CREBBP: variants seen among roughly 807,000 people sequenced by gnomAD.
CREBBP encodes CREB-binding protein.
CREBBP carries 19 observed loss-of-function variants against 265.0 expected under a neutral mutation model. The ratio of observed to expected loss-of-function variants is 0.07; its 90% CI spans 0.05 to 0.11. The LOEUF is 0.11. Among genes scored for constraint, CREBBP ranks in the 10% least tolerant of loss-of-function variants. The pLI, the probability that CREBBP is intolerant of heterozygous loss-of-function variation, is 1.00. For missense variants in CREBBP, 2,525 were observed against 3,219.0 expected (o/e 0.78, Z 5.22); for synonymous variants, 1,457 against 1,223.7 (o/e 1.19, Z -3.98).
intron 12 of CREBBP, 148 bp from the exon 13 acceptor site, chr16:3,774,078 A>G: frequency 1.1e-6 from 1 of 884,102 alleles, no homozygotes; most frequent in East Asian, 2.6e-5. Flanking sequence ...GGAAGAGACC[A>G]CCACTTGCTA....
intron 16 of CREBBP, 46 bp from the exon 17 acceptor site, chr16:3,759,018 G>A: frequency 2.1e-6 from 3 of 1,398,872 alleles, no homozygotes; most frequent in South Asian, 2.3e-5. Context: ...AAGGTGCTCA[G>A]ATCCCTCCTA....
intron 21 of CREBBP, among the ~76,000 whole-genome samples, chr16:3,748,683 C>T (rs2052404086): frequency 6.6e-6 from 1 of 152,188 alleles, no homozygotes; most frequent in African/African-American, 2.4e-5. Flanking sequence ...TGTGCTCACC[C>T]TGGGGACAAA....
chr16:3,853,961 A>AACACACAC (rs371504662), intron 1 of CREBBP, among the ~76,000 whole-genome samples: 1 of 145,132 alleles, frequency 6.9e-6, no homozygotes. Context: ...CAAACAAACA[A>AACACACAC]ACACACACAC....
At chr16:3,829,269 A>G (rs2054296545) in intron 2 of CREBBP, among the ~76,000 whole-genome samples, 1 of 152,246 alleles carries the variant, frequency 6.6e-6, no homozygotes, top group African/African-American at 2.4e-5. Flanking sequence ...CCAAGTTTCT[A>G]CAGTGAACTT....
chr16:3,856,979 G>C (rs985753468), intron 1 of CREBBP, among the ~76,000 whole-genome samples: 36 of 152,096 alleles, frequency 2.4e-4, no homozygotes, highest in African/African-American at 7.7e-4. Flanking sequence ...CAGAACAGCT[G>C]GAAGCTGAGC....
intron 2 of CREBBP, among the ~76,000 whole-genome samples, chr16:3,816,621 G>C (rs571187373): frequency 6.6e-6 from 1 of 152,300 alleles, no homozygotes; most frequent in South Asian, 2.1e-4. Context: ...GGAGGGAAAA[G>C]GCAGACTGTG....
rs573643040 is a variant in CREBBP at position 3,774,454 on chromosome 16, C to G, written c.2283+115G>C. On this transcript the variant is annotated intron_variant, in intron 12 of 30. Transcript: ENST00000262367. ...GAGATGAAAGAAATAAAGCATAACC[C>G]AAATTCAAAGGAACAAGAACCACAG... 4.9e-6 allele frequency: 7 copies of G among 1,426,484 alleles called. No individual in the cohort carries two copies. The East Asian group carries it at 1.6e-4, about 33-fold the overall frequency. 88.4% of individuals were successfully genotyped at this position (1,426,484 alleles called of 1,614,324 possible).
chr16:3,854,889 C>A (rs2054927065), intron 1 of CREBBP, among the ~76,000 whole-genome samples: 1 of 152,222 alleles, frequency 6.6e-6, no homozygotes, highest in Non-Finnish European at 1.5e-5. Context: ...TGTGTACATG[C>A]ATGTAACAGT....
chr16:3,808,698 G>C lies in CREBBP; in HGVS notation c.975+1905C>G, dbSNP rs2053879674. ...GAGGGGATGGGGAAGTGGGGCTGGA[G>C]AATATTTTAAAAGAGAAAAGGGAGC... On this transcript the variant is annotated intron_variant, in intron 3 of 30. Transcript: ENST00000262367. 5.3e-5 allele frequency among the ~76,000 whole-genome samples: 8 copies of C among 152,344 alleles called. 1 individual carries two copies. The South Asian group carries it at 1.7e-3, about 32-fold the overall frequency.
intron 16 of CREBBP, chr16:3,767,169 C>CG (rs1350129255): frequency 6.3e-6 from 1 of 159,240 alleles, no homozygotes; most frequent in Non-Finnish European, 1.4e-5. Flanking sequence ...TCACACATCT[C>CG]AGACCCCAAA....
chr16:3,879,492 G>C (rs555420673), intron 1 of CREBBP, among the ~76,000 whole-genome samples: 1 of 152,356 alleles, frequency 6.6e-6, no homozygotes, highest in East Asian at 1.9e-4. Flanking sequence ...ACGGCCACGC[G>C]TGTGGACACG....
At chr16:3,762,476 G>C (rs1337587167) in intron 16 of CREBBP, among the ~76,000 whole-genome samples, 1 of 149,846 alleles carries the variant, frequency 6.7e-6, no homozygotes, top group African/African-American at 2.5e-5. Context: ...CACGGTGCCT[G>C]GCCGAGGAGA....
intron 1 of CREBBP, among the ~76,000 whole-genome samples, chr16:3,872,456 C>T (rs967913846): frequency 3.9e-5 from 6 of 152,116 alleles, no homozygotes; most frequent in Admixed American, 1.3e-4. Flanking sequence ...AGGCAAAAGC[C>T]CCCACAGGCA....
chr16:3,831,974 G>A (rs1450274811), intron 2 of CREBBP, among the ~76,000 whole-genome samples: 1 of 151,712 alleles, frequency 6.6e-6, no homozygotes, highest in Admixed American at 6.6e-5. Context: ...TCCAGCCTGG[G>A]CAACGGAGTG....
At chr16:3,747,057 G>A (rs1052038962) in intron 21 of CREBBP, among the ~76,000 whole-genome samples, 4 of 151,762 alleles carry the variant, frequency 2.6e-5, no homozygotes, top group Admixed American at 6.6e-5. Flanking sequence ...GGGCCAACTA[G>A]ATGTCTCCCC....
rs931269954 is a variant in CREBBP at position 3,812,320 on chromosome 16, G to A, written c.799-1541C>T. On this transcript the variant is annotated intron_variant, in intron 2 of 30. Transcript: ENST00000262367. ...CAGCCTCCTGAGTAGCTGGGATTATGGGCTCGTGCCATCACACCCAGCTAA... is the reference window on the plus strand; with the variant it reads ...CAGCCTCCTGAGTAGCTGGGATTATAGGCTCGTGCCATCACACCCAGCTAA... Among the ~76,000 whole-genome samples, 5 of 151,798 alleles carry A rather than the reference G, an allele frequency of 3.3e-5. No homozygotes were observed. In the East Asian group the frequency reaches 7.8e-4, roughly 24 times the overall value.
chr16:3,781,674 C>T (rs1303596676), intron 6 of CREBBP, among the ~76,000 whole-genome samples: 1 of 152,166 alleles, frequency 6.6e-6, no homozygotes, highest in African/African-American at 2.4e-5. Flanking sequence ...ACACACACCT[C>T]TGTGTCTCCA....
chr16:3,766,518 A>T (rs906562839), intron 16 of CREBBP, among the ~76,000 whole-genome samples: 2 of 152,068 alleles, frequency 1.3e-5, no homozygotes, highest in Non-Finnish European at 2.9e-5. Flanking sequence ...CTAAATATTT[A>T]AAAATTTTTC....
At chr16:3,741,914 A>G (rs1596817009) in intron 23 of CREBBP, 3 of 152,186 alleles carry the variant, frequency 2.0e-5, no homozygotes, top group South Asian at 2.1e-4. Context: ...TCTCTACTAA[A>G]AAACAGAAAA....
Sources: gnomAD v4.1 joint callset for allele counts (sites outside exome capture counted in the v4.1 genomes callset) on GRCh38, gnomAD v4.1.1 for gene constraint, MANE v1.5 for transcripts, NCBI Gene and HGNC (gene_info 2026-07-23, HGNC 2026-07-21) for gene names.